Variants in SMG6 observed in about 807,000 individuals in gnomAD.
The protein encoded by SMG6 is SMG6 nonsense mediated mRNA decay factor.
Under a neutral mutation model 142.2 loss-of-function variants are expected in SMG6, and 66 were observed. The observed-to-expected ratio is 0.46, with a 90% CI of 0.38 to 0.57. The LOEUF (loss-of-function observed/expected upper bound fraction) is 0.57, where lower values mean the gene tolerates loss of function less well. SMG6 is among the 20% of genes least tolerant of loss of function. The pLI, the probability that SMG6 is intolerant of heterozygous loss-of-function variation, is 0.00. For missense variants in SMG6, 1,793 were observed against 1,832.0 expected, an observed-to-expected ratio of 0.98 and a Z score of 0.39; for synonymous variants, 779 against 702.4, an observed-to-expected ratio of 1.11 and a Z score of -1.72.
intron 9 of SMG6, among the ~76,000 whole-genome samples, chr17:2,238,140 T>C (rs1368793229): frequency 6.6e-6 from 1 of 152,214 alleles, no homozygotes; most frequent in Non-Finnish European, 1.5e-5. Flanking sequence ...TCTAGAATCT[T>C]GGCAATCTTC....
At position 2,061,331 on chromosome 17, in the gene SMG6, G is replaced by A. The variant is rs2067767513; in HGVS notation, c.*161C>T. 1 of 690,924 alleles carries A rather than the reference G, an allele frequency of 1.4e-6. No homozygotes were observed. Among genetic ancestry groups the A allele is most frequent in the African/African-American group, 1.8e-5 (1 of 55,628 alleles). The allele number at this position is 690,924 out of a possible 1,614,324, so 42.8% of individuals were successfully genotyped here. A position where few individuals can be genotyped will look rare whatever the true frequency, so the allele number is the denominator to read the frequency against. ...ATCCTTGGGAGGGGCTCTGTGAGGAGCAGGTCCCCCACAGCATGGCCGTGG... is the reference window on the plus strand; with the variant it reads ...ATCCTTGGGAGGGGCTCTGTGAGGAACAGGTCCCCCACAGCATGGCCGTGG... On this transcript the variant is annotated 3_prime_UTR_variant, in exon 19 of 19. Transcript: ENST00000263073.
intron 10 of SMG6, among the ~76,000 whole-genome samples, chr17:2,207,202 C>T (rs941178611): frequency 6.6e-6 from 1 of 151,120 alleles, no homozygotes; most frequent in African/African-American, 2.4e-5. Context: ...GCATGAGAAT[C>T]ACTTGAACTC....
At chr17:2,270,863 A>G (rs181870563) in intron 8 of SMG6, among the ~76,000 whole-genome samples, 1 of 152,324 alleles carries the variant, frequency 6.6e-6, no homozygotes, top group Admixed American at 6.5e-5. Context: ...TTCAGACTCA[A>G]TCTTTCGAAA....
intron 8 of SMG6, among the ~76,000 whole-genome samples, chr17:2,269,994 G>A (rs1243432182): frequency 6.6e-6 from 1 of 151,954 alleles, no homozygotes. Flanking sequence ...GCGCCCCTAT[G>A]CTCCAGCCTG....
At chr17:2,162,445 T>C (rs1379392424) in intron 13 of SMG6, among the ~76,000 whole-genome samples, 1 of 133,894 alleles carries the variant, frequency 7.5e-6, no homozygotes, top group African/African-American at 2.9e-5. Context: ...ACCCAGGAGG[T>C]GGAGCTTGCA....
At chr17:2,234,623 C>A (rs1376788111) in intron 10 of SMG6, among the ~76,000 whole-genome samples, 1 of 152,130 alleles carries the variant, frequency 6.6e-6, no homozygotes, top group East Asian at 1.9e-4. Context: ...CACTGGTGGC[C>A]TATTAAAAGG....
chr17:2,248,680 A>G (rs944668996), intron 8 of SMG6, among the ~76,000 whole-genome samples: 21 of 152,196 alleles, frequency 1.4e-4, no homozygotes, highest in Admixed American at 1.0e-3. Context: ...CCACCGCTTT[A>G]TTTTTAGTCT....
intron 13 of SMG6, among the ~76,000 whole-genome samples, chr17:2,151,542 A>T (rs1400004438): frequency 6.6e-6 from 1 of 152,226 alleles, no homozygotes; most frequent in Non-Finnish European, 1.5e-5. Context: ...GATCTCCAGC[A>T]CTAAGGCAGG....
At chr17:2,294,109 G>A (rs1446860186) in intron 4 of SMG6, among the ~76,000 whole-genome samples, 1 of 152,170 alleles carries the variant, frequency 6.6e-6, no homozygotes, top group Non-Finnish European at 1.5e-5. Flanking sequence ...AGAAGATACT[G>A]ACCCCTCAGG....
chr17:2,182,896 A>C (rs564464588), intron 12 of SMG6, among the ~76,000 whole-genome samples: 1 of 86,488 alleles, frequency 1.2e-5, no homozygotes, highest in African/African-American at 3.9e-5. Context: ...AGAAATGGCC[A>C]GGGGGGTGGG....
chr17:2,090,707 C>T (rs1038472251), intron 13 of SMG6, among the ~76,000 whole-genome samples: 1 of 152,236 alleles, frequency 6.6e-6, no homozygotes. Context: ...CAGCTTGCTA[C>T]TGCTCCTCTG....
chr17:2,140,950 C>G (rs1364027346), intron 13 of SMG6, among the ~76,000 whole-genome samples: 1 of 152,162 alleles, frequency 6.6e-6, no homozygotes, highest in African/African-American at 2.4e-5. Context: ...ATTCAAAAGG[C>G]TGAGGTAGGG....
intron 13 of SMG6, among the ~76,000 whole-genome samples, chr17:2,156,699 G>C (rs1232149613): frequency 1.3e-5 from 2 of 151,944 alleles, no homozygotes; most frequent in Non-Finnish European, 2.9e-5. Flanking sequence ...GTGTAACCCA[G>C]GCTACAGTGC....
chr17:2,257,426 G>C (rs558004299), intron 8 of SMG6, among the ~76,000 whole-genome samples: 1 of 152,076 alleles, frequency 6.6e-6, no homozygotes, highest in Non-Finnish European at 1.5e-5. Context: ...TTATAGACAC[G>C]AGCCACCACG....
In SMG6 at chr17:2,302,779, T is replaced by C. The variant is rs551159899; in HGVS notation, c.88+854A>G. Among the ~76,000 whole-genome samples the C allele has an allele frequency of 7.3e-5, 11 of 150,478 alleles. No individual in the cohort carries two copies. The South Asian group carries it at 8.6e-4, about 12-fold the overall frequency. On this transcript the variant is annotated intron_variant, in intron 1 of 18. Transcript: ENST00000263073. Reference sequence around the variant, plus strand: ...AAGATAAAGCAGTTTAACCCAAGAATAGCTCACCCTCGGCAGTCTGTAACT... The same window carrying C: ...AAGATAAAGCAGTTTAACCCAAGAACAGCTCACCCTCGGCAGTCTGTAACT...
chr17:2,078,740 A>G (rs2068328811), intron 15 of SMG6, among the ~76,000 whole-genome samples: 1 of 152,174 alleles, frequency 6.6e-6, no homozygotes, highest in Non-Finnish European at 1.5e-5. Flanking sequence ...AGGATGGAGG[A>G]GACCAAAAAA....
chr17:2,221,753 C>T (rs535185437), intron 10 of SMG6, among the ~76,000 whole-genome samples: 14 of 152,118 alleles, frequency 9.2e-5, no homozygotes, highest in Middle Eastern at 3.4e-3. Context: ...ACAGATTATT[C>T]TTTTTTTTGA....
At chr17:2,282,485 TAAAG>T (rs1313972343) in intron 8 of SMG6, among the ~76,000 whole-genome samples, 158 bp downstream of exon 8, 2 of 150,418 alleles carry the variant, frequency 1.3e-5, no homozygotes, top group East Asian at 2.0e-4. Flanking sequence ...ATAATAAAGA[TAAAG>T]GAAGCGTACA....
At chr17:2,266,100 AT>A (rs1185104269) in intron 8 of SMG6, 1 of 985,230 alleles carries the variant, frequency 1.0e-6, no homozygotes, top group Non-Finnish European at 1.2e-6. Flanking sequence ...TCTGTTCACC[AT>A]GCGTGCCACT....
Sources: allele counts gnomAD v4.1 joint callset (sites outside exome capture counted in the v4.1 genomes callset), GRCh38; gene constraint gnomAD v4.1.1; transcripts MANE v1.5; gene names NCBI Gene and HGNC (gene_info 2026-07-23, HGNC 2026-07-21).